Variants in TRAM2 observed in about 807,000 individuals in gnomAD.
TRAM2 encodes the protein translocating chain-associated membrane protein 2.
A neutral mutation model predicts 51.0 loss-of-function variants in TRAM2; 12 were observed. The ratio of observed to expected loss-of-function variants is 0.24; its 90% CI spans 0.15 to 0.38. TRAM2 has a LOEUF of 0.38. Ranked by LOEUF, TRAM2 falls within the 10% of genes least tolerant of loss-of-function variation. The pLI is 1.00. For missense variants in TRAM2, 361 were observed against 462.0 expected, an observed-to-expected ratio of 0.78 and a Z score of 2.00; for synonymous variants, 175 against 179.4, an observed-to-expected ratio of 0.98 and a Z score of 0.20.
At position 52,570,604 on chromosome 6, in the gene TRAM2, C is replaced by T. The variant is rs1275810746; in HGVS notation, c.120+6192G>A. Among the ~76,000 whole-genome samples the T allele has an allele frequency of 5.3e-5, 8 of 152,166 alleles. No homozygotes were observed. The East Asian group carries it at 5.8e-4, about 11-fold the overall frequency. On this transcript the variant is annotated intron_variant, in intron 1 of 10. Transcript: ENST00000182527. ...GTATGGCAACCCCCATAAACCATCC[C>T]GATTACAGGGTGAGGCGAGTGAAGC...
In TRAM2 at chr6:52,500,525, T is replaced by G. The variant is rs867154990; in HGVS notation, c.*2672A>C. The G allele has an allele frequency of 5.8e-5, 7 of 121,618 alleles. No homozygotes were observed. Among genetic ancestry groups the G allele is most frequent in the South Asian group, 4.9e-4 (2 of 4,080 alleles). 7.5% of individuals were successfully genotyped at this position (121,618 alleles called of 1,614,324 possible). A position where few individuals can be genotyped will look rare whatever the true frequency, so the allele number is the denominator to read the frequency against. ...CCCACTCATGGTCTCAGGGTTTTTT[T>G]TTGTTTTTTTTTTTTTTTTTACATA... is the stretch of plus-strand genomic sequence containing the variant. On this transcript the variant is annotated 3_prime_UTR_variant, in exon 11 of 11. Coordinates refer to ENST00000182527, the MANE Select transcript of TRAM2 (RefSeq NM_012288.4).
At position 52,500,459 on chromosome 6, in the gene TRAM2, C is replaced by T. The variant is rs550190291; in HGVS notation, c.*2738G>A. 2.6e-5 allele frequency: 4 copies of T among 151,962 alleles called. No homozygotes were observed. In the East Asian group the frequency reaches 5.8e-4, roughly 22 times the overall value. 9.4% of individuals were successfully genotyped at this position (151,962 alleles called of 1,614,324 possible). ...CCCTACAACTACCCTCTAACCACCC[C>T]CCCCAAACATCCCTGAAGCCCAGGC... On this transcript the variant is annotated 3_prime_UTR_variant, in exon 11 of 11. Transcript: ENST00000182527.
In TRAM2 at chr6:52,576,191, T is replaced by C. The variant is rs1281772282; in HGVS notation, c.120+605A>G. Among the ~76,000 whole-genome samples the C allele has an allele frequency of 2.0e-5, 3 of 152,154 alleles. No individual in the cohort carries two copies. In the East Asian group the frequency reaches 5.8e-4, roughly 29 times the overall value. ...CGGAGTGGTAAAGGATATCCAAAAA[T>C]TGGCCTTCTAGAGCACAGCAAAAAA... On this transcript the variant is annotated intron_variant, in intron 1 of 10. Coordinates refer to ENST00000182527, the MANE Select transcript of TRAM2 (RefSeq NM_012288.4).
intron 2 of TRAM2, among the ~76,000 whole-genome samples, chr6:52,522,524 T>C (rs547245912): frequency 6.6e-6 from 1 of 152,358 alleles, no homozygotes; most frequent in Admixed American, 6.5e-5. Flanking sequence ...GGCCACAGAT[T>C]TGTAACCTCC....
chr6:52,551,534 G>A (rs141065200), intron 1 of TRAM2, among the ~76,000 whole-genome samples: 1 of 152,186 alleles, frequency 6.6e-6, no homozygotes, highest in Non-Finnish European at 1.5e-5. Flanking sequence ...GCAAACAAAC[G>A]GGCCACTTAT....
chr6:52,564,795 G>T (rs956194566), intron 1 of TRAM2, among the ~76,000 whole-genome samples: 2 of 152,186 alleles, frequency 1.3e-5, no homozygotes, highest in Non-Finnish European at 2.9e-5. Context: ...ATAAACAAGA[G>T]AAAGACAGAG....
intron 1 of TRAM2, among the ~76,000 whole-genome samples, chr6:52,575,584 T>C (rs919961457): frequency 4.6e-5 from 7 of 152,144 alleles, no homozygotes; most frequent in African/African-American, 1.7e-4. Flanking sequence ...GAGGGCAGCT[T>C]CGCCAGCCAA....
At chr6:52,530,172 C>T (rs77179076) in intron 2 of TRAM2, among the ~76,000 whole-genome samples, 4,523 of 152,120 alleles carry the variant, frequency 0.03, 194 homozygotes, top group African/African-American at 0.1. Flanking sequence ...AATTTTTATT[C>T]GCTAATAGAA....
At chr6:52,547,965 A>G (rs920338279) in intron 1 of TRAM2, among the ~76,000 whole-genome samples, 8 of 152,256 alleles carry the variant, frequency 5.3e-5, no homozygotes, top group African/African-American at 1.9e-4. Flanking sequence ...CTAAACAGAT[A>G]TGTCATGGAA....
chr6:52,550,633 C>A (rs1251982452), intron 1 of TRAM2, among the ~76,000 whole-genome samples: 1 of 152,120 alleles, frequency 6.6e-6, no homozygotes, highest in Non-Finnish European at 1.5e-5. Flanking sequence ...TTCACTGCAG[C>A]CTCTGCCTCC....
At chr6:52,576,769 C>T (rs1300837316) in intron 1 of TRAM2, 27 bp downstream of exon 1, 19 of 1,609,046 alleles carry the variant, frequency 1.2e-5, no homozygotes, top group Non-Finnish European at 1.6e-5. Flanking sequence ...CACTGTCCCT[C>T]CAGCTCCCTC....
intron 4 of TRAM2, among the ~76,000 whole-genome samples, chr6:52,513,533 T>C (rs1348752125): frequency 6.6e-6 from 1 of 151,788 alleles, no homozygotes; most frequent in African/African-American, 2.4e-5. Flanking sequence ...AAAATGCAAA[T>C]TGGTGGGGGG....
intron 2 of TRAM2, among the ~76,000 whole-genome samples, chr6:52,534,317 G>A (rs2284810): frequency 0.44 from 66,715 of 151,994 alleles, 15,199 homozygotes; most frequent in African/African-American, 0.55. Context: ...GGAGGTGGAG[G>A]TTGCAGTGAG....
chr6:52,568,361 G>T (rs1218264060), intron 1 of TRAM2, among the ~76,000 whole-genome samples: 1 of 152,160 alleles, frequency 6.6e-6, no homozygotes, highest in Non-Finnish European at 1.5e-5. Context: ...GTTATTCCTT[G>T]CCTGTTGAGG....
intron 2 of TRAM2, among the ~76,000 whole-genome samples, chr6:52,526,956 CAAG>C (rs1766792315): frequency 6.6e-6 from 1 of 151,996 alleles, no homozygotes; most frequent in African/African-American, 2.4e-5. Context: ...AATAATCTCT[CAAG>C]AATCACATAC....
At chr6:52,556,927 C>CAAAAAAAAAAAAAA (rs11291654) in intron 1 of TRAM2, among the ~76,000 whole-genome samples, 1 of 122,968 alleles carries the variant, frequency 8.1e-6, no homozygotes, top group Non-Finnish European at 1.7e-5. Flanking sequence ...GACTCCATCT[C>CAAAAAAAAAAAAAA]AAAAAAAAAA....
chr6:52,497,471 T>TA lies in TRAM2; in HGVS notation c.*5725dup, dbSNP rs1282085401. On this transcript the variant is annotated 3_prime_UTR_variant, in exon 11 of 11. Coordinates refer to ENST00000182527, the MANE Select transcript of TRAM2 (RefSeq NM_012288.4). ...GATCATTTGTTCCAAAATGTACATT[T>TA]AAAAAATCCATACAAAACTGTAATT... is the stretch of plus-strand genomic sequence containing the variant. 2.0e-5 allele frequency: 3 copies of TA among 152,610 alleles called. No homozygotes were observed. Among genetic ancestry groups the TA allele is most frequent in the African/African-American group, 7.2e-5 (3 of 41,428 alleles). The allele number at this position is 152,610 out of a possible 1,614,324, so 9.5% of individuals were successfully genotyped here.
chr6:52,563,441 C>T (rs936623410), intron 1 of TRAM2, among the ~76,000 whole-genome samples: 45 of 152,142 alleles, frequency 3.0e-4, no homozygotes, highest in African/African-American at 1.1e-3. Flanking sequence ...TACTTGGGGC[C>T]GGGCGTGGTG....
chr6:52,513,863 A>G (rs1330829986), intron 4 of TRAM2, among the ~76,000 whole-genome samples: 1 of 152,244 alleles, frequency 6.6e-6, no homozygotes, highest in African/African-American at 2.4e-5. Flanking sequence ...GGAGGGTACA[A>G]GAGTGGAAAC....
Sources: gnomAD v4.1 joint callset for allele counts (sites outside exome capture counted in the v4.1 genomes callset) on GRCh38, gnomAD v4.1.1 for gene constraint, MANE v1.5 for transcripts, NCBI Gene and HGNC (gene_info 2026-07-23, HGNC 2026-07-21) for gene names.